The following MKLN1 variants were observed in gnomAD, a reference collection of about 807,000 sequenced individuals.
MKLN1 encodes muskelin.
A neutral mutation model predicts 99.0 loss-of-function variants in MKLN1; 18 were observed. The ratio of observed to expected loss-of-function variants is 0.18; its 90% confidence interval spans 0.13 to 0.27. The LOEUF is 0.27. Ranked by LOEUF, MKLN1 falls within the 10% of genes least tolerant of loss-of-function variation. The pLI, the probability that MKLN1 is intolerant of heterozygous loss-of-function variation, is 1.00. For synonymous variants in MKLN1, 288 were observed against 293.2 expected (o/e 0.98, Z 0.18); for missense variants, 621 against 875.9 (o/e 0.71, Z 3.67).
chr7:131,266,608 A>G (rs1418029639), intron 3 of MKLN1, among the ~76,000 whole-genome samples: 1 of 152,134 alleles, frequency 6.6e-6, no homozygotes, highest in Non-Finnish European at 1.5e-5. Flanking sequence ...TCCCTCAAGA[A>G]CTGTCTAGTC....
At chr7:131,165,149 G>C (rs1386571214) in intron 2 of MKLN1, among the ~76,000 whole-genome samples, 2 of 152,054 alleles carry the variant, frequency 1.3e-5, no homozygotes, top group Non-Finnish European at 2.9e-5. Context: ...GGATTTCTGG[G>C]TGGGGCTTTG....
rs958074294 is a variant in MKLN1 at position 131,394,121 on chromosome 7, A to G, written c.401-3146A>G. 2.6e-5 allele frequency among the ~76,000 whole-genome samples: 4 copies of G among 152,072 alleles called. 1 individual carries two copies. The highest frequency in any genetic ancestry group is 9.7e-5 in the African/African-American group (4 of 41,304). On this transcript the variant is annotated intron_variant, in intron 4 of 17. Transcript: ENST00000352689. ...TGACACTGCTACATAAAGAAACACT[A>G]AAACAATAAAGATAATTTAATATTT...
chr7:131,456,841 T>A (rs1796355674), intron 12 of MKLN1, among the ~76,000 whole-genome samples: 1 of 152,006 alleles, frequency 6.6e-6, no homozygotes, highest in Non-Finnish European at 1.5e-5. Context: ...TTGAGTCCTC[T>A]CCAATATATC....
intron 6 of MKLN1, 40 bp downstream of exon 6, chr7:131,399,473 C>T (rs745346147): frequency 3.3e-6 from 5 of 1,532,028 alleles, no homozygotes; most frequent in Non-Finnish European, 4.5e-6. Context: ...AATTCAAGTA[C>T]ATACGGGAAA....
intron 6 of MKLN1, among the ~76,000 whole-genome samples, chr7:131,401,070 A>T (rs1794530325): frequency 6.6e-6 from 1 of 152,192 alleles, no homozygotes; most frequent in South Asian, 2.1e-4. Flanking sequence ...TTAAAAACAT[A>T]GCAGAGAAGG....
intron 5 of MKLN1, among the ~76,000 whole-genome samples, chr7:131,398,744 G>C (rs1046527673): frequency 6.6e-6 from 1 of 151,884 alleles, no homozygotes; most frequent in Non-Finnish European, 1.5e-5. Context: ...TGATTTTTGA[G>C]TCATAAAATG....
At chr7:131,230,796 C>T (rs777361367) in intron 3 of MKLN1, among the ~76,000 whole-genome samples, 13 of 151,990 alleles carry the variant, frequency 8.6e-5, no homozygotes, top group African/African-American at 1.5e-4. Context: ...TCTCATCTTG[C>T]GACTGACCGG....
chr7:131,346,697 C>A (rs1799572944), intron 1 of MKLN1, among the ~76,000 whole-genome samples: 1 of 152,162 alleles, frequency 6.6e-6, no homozygotes, highest in Admixed American at 6.5e-5. Context: ...TAACTGACAG[C>A]AGTTTGCACT....
intron 1 of MKLN1, among the ~76,000 whole-genome samples, chr7:131,131,119 G>A (rs1795544426): frequency 6.8e-6 from 1 of 146,976 alleles, no homozygotes; most frequent in Non-Finnish European, 1.5e-5. Context: ...ACTTTGGGAA[G>A]CCAAGGTGGG....
chr7:131,407,651 C>G (rs1794746825), intron 6 of MKLN1, among the ~76,000 whole-genome samples: 2 of 149,674 alleles, frequency 1.3e-5, no homozygotes, highest in South Asian at 4.2e-4. Context: ...CTTTTTTCCC[C>G]TTTCCCAACT....
intron 2 of MKLN1, among the ~76,000 whole-genome samples, chr7:131,378,726 A>C (rs1793743899): frequency 6.6e-6 from 1 of 152,106 alleles, no homozygotes. Context: ...GATACTCAGG[A>C]GGCTGAGTTG....
rs184673412 is a variant in MKLN1 at position 131,348,196 on chromosome 7, T to C, written c.98+20199T>C. ...CTATATTGTGATTTGCCATATGACA[T>C]ATCTCTTATTAATATATGAAGAGAG... On this transcript the variant is annotated intron_variant, in intron 1 of 17. Coordinates refer to ENST00000352689, the MANE Select transcript of MKLN1 (RefSeq NM_013255.5). 2.0e-3 allele frequency among the ~76,000 whole-genome samples: 306 copies of C among 152,346 alleles called. 2 individuals carry two copies. Among genetic ancestry groups the C allele is most frequent in the Non-Finnish European group, 2.4e-3 (163 of 68,032 alleles).
chr7:131,279,034 G>A (rs138332422), intron 3 of MKLN1, among the ~76,000 whole-genome samples: 10 of 152,228 alleles, frequency 6.6e-5, no homozygotes, highest in African/African-American at 2.4e-4. Context: ...TTGGAGGTTA[G>A]CCACCTTTCA....
chr7:131,417,580 T>A (rs1038043917), intron 8 of MKLN1, among the ~76,000 whole-genome samples: 16 of 152,220 alleles, frequency 1.1e-4, no homozygotes, highest in African/African-American at 3.9e-4. Context: ...TTTCACCAGA[T>A]TCAGGTGGTC....
In MKLN1 at chr7:131,464,531, A is replaced by G; in HGVS notation, c.1788+123A>G. 7.1e-6 allele frequency: 4 copies of G among 560,970 alleles called. No homozygotes were observed. In the South Asian group the frequency reaches 8.6e-5, roughly 12 times the overall value. 34.7% of individuals were successfully genotyped at this position (560,970 alleles called of 1,614,324 possible). A position where few individuals can be genotyped will look rare whatever the true frequency, so the allele number is the denominator to read the frequency against. On this transcript the variant is annotated intron_variant, in intron 14 of 17. Transcript: ENST00000352689. ...AAGTTAAAATACATAGTAGACATTC[A>G]ATAGAATAACAAACACCCAATATCA...
At chr7:131,194,296 G>A (rs369265745) in intron 2 of MKLN1, among the ~76,000 whole-genome samples, 1 of 151,946 alleles carries the variant, frequency 6.6e-6, no homozygotes, top group Non-Finnish European at 1.5e-5. Flanking sequence ...AACTTCCCCC[G>A]GCAGCCCCTG....
At chr7:131,415,191 G>A (rs1216871043) in intron 8 of MKLN1, among the ~76,000 whole-genome samples, 2 of 150,910 alleles carry the variant, frequency 1.3e-5, no homozygotes, top group African/African-American at 4.9e-5. Flanking sequence ...CTAAAACCTA[G>A]GAAAACTTAA....
At chr7:131,275,565 ATAT>A (rs1264738552) in intron 3 of MKLN1, among the ~76,000 whole-genome samples, 2 of 6,606 alleles carry the variant, frequency 3.0e-4, no homozygotes, top group South Asian at 9.1e-3. Context: ...ATATATATAT[ATAT>A]TTTTTTTTTT....
At chr7:131,355,839 C>A (rs1425860824) in intron 1 of MKLN1, among the ~76,000 whole-genome samples, 2 of 151,178 alleles carry the variant, frequency 1.3e-5, no homozygotes, top group Admixed American at 1.3e-4. Context: ...ATATTTTTTT[C>A]TAACTAAATT....
Sources: gnomAD v4.1 joint callset for allele counts (sites outside exome capture counted in the v4.1 genomes callset) on GRCh38, gnomAD v4.1.1 for gene constraint, MANE v1.5 for transcripts, NCBI Gene and HGNC (gene_info 2026-07-23, HGNC 2026-07-21) for gene names.